Variants in KIF1A observed in about 807,000 individuals in gnomAD.
KIF1A encodes kinesin-like protein KIF1A.
A neutral mutation model predicts 227.3 loss-of-function variants in KIF1A; 46 were observed. That is an observed-to-expected ratio of 0.20 (90% CI 0.16 to 0.26). The LOEUF is 0.26. Among genes scored for constraint, KIF1A ranks in the 10% least tolerant of loss-of-function variants. The pLI is 1.00. For missense variants in KIF1A, 1,683 were observed against 2,485.9 expected, an observed-to-expected ratio of 0.68 and a Z score of 6.87; for synonymous variants, 1,022 against 1,012.8, an observed-to-expected ratio of 1.01 and a Z score of -0.17.
In KIF1A at chr2:240,766,008, A is replaced by C. The variant is rs981107272; in HGVS notation, c.1685-215T>G. On this transcript the variant is annotated intron_variant, in intron 19 of 48. Transcript: ENST00000498729. The surrounding 1 kb of genome is among the most constrained non-coding windows in gnomAD (Gnocchi z 5.0). ...ACAGAGGAAGAAAGTGACCCCCAGAAGGAGGATGCATGTGCCCACGTTGAA... is the reference window on the plus strand; with the variant it reads ...ACAGAGGAAGAAAGTGACCCCCAGACGGAGGATGCATGTGCCCACGTTGAA... Among the ~76,000 whole-genome samples, 1 of 152,246 alleles carries C rather than the reference A, an allele frequency of 6.6e-6. No homozygotes were observed. The highest frequency in any genetic ancestry group is 1.5e-5 in the Non-Finnish European group (1 of 68,040).
rs1261997850 is a variant in KIF1A at position 240,758,309 on chromosome 2, ATC to A, written c.2582+49_2582+50del. The A allele has an allele frequency of 1.6e-5, 25 of 1,567,972 alleles. No individual in the cohort carries two copies. Among genetic ancestry groups the A allele is most frequent in the South Asian group, 2.4e-5 (2 of 83,742 alleles). On this transcript the variant is annotated intron_variant, in intron 26 of 48. Coordinates refer to ENST00000498729, the MANE Select transcript of KIF1A (RefSeq NM_001244008.2). This position sits in a 1 kb window ranked among gnomAD's most constrained non-coding sequence, Gnocchi z 5.2. The stretch of plus-strand genomic sequence containing the variant: ...AGGGCCCACTCCTACCCCCACTGCC[ATC>A]TCTCTCTCTCAATCTCTCTCTCTGC...
chr2:240,767,186 G>T, intron 18 of KIF1A, 80 bp downstream of exon 18: 1 of 1,277,384 alleles, frequency 7.8e-7, no homozygotes, highest in Non-Finnish European at 1.1e-6. Context: ...CTCTGCAGAA[G>T]CAGGAATGGG....
At chr2:240,745,244 C>T (rs2048448512) in intron 32 of KIF1A, among the ~76,000 whole-genome samples, 183 bp downstream of exon 32, 2 of 152,120 alleles carry the variant, frequency 1.3e-5, no homozygotes, top group South Asian at 4.1e-4. Context: ...AGCTGTAAAT[C>T]CATCAAGGGT....
intron 38 of KIF1A, among the ~76,000 whole-genome samples, chr2:240,732,742 G>A (rs1261003248): frequency 8.8e-6 from 1 of 113,138 alleles, no homozygotes; most frequent in Admixed American, 8.6e-5. Context: ...AATGAGGGAG[G>A]GATGAAGGGA....
chr2:240,801,489 A>G (rs1365163882), intron 1 of KIF1A, among the ~76,000 whole-genome samples: 1 of 152,248 alleles, frequency 6.6e-6, no homozygotes, highest in Non-Finnish European at 1.5e-5. Flanking sequence ...CCAGAAAAGT[A>G]TAGGACACAG....
chr2:240,725,079 A>G lies in KIF1A; in HGVS notation c.4256+192T>C, dbSNP rs1361576772. Among the ~76,000 whole-genome samples the G allele has an allele frequency of 1.0e-5, 1 of 97,984 alleles. No homozygotes were observed. The highest frequency in any genetic ancestry group is 3.1e-5 in the African/African-American group (1 of 32,442). 64.3% of individuals were successfully genotyped at this position (97,984 alleles called of 152,430 possible). A position where few individuals can be genotyped will look rare whatever the true frequency, so the allele number is the denominator to read the frequency against. On this transcript the variant is annotated intron_variant, in intron 40 of 48. Transcript: ENST00000498729. The surrounding 1 kb of genome is among the most constrained non-coding windows in gnomAD (Gnocchi z 5.8). ...GGTGTCAGTGTCCCCTGCAGGAACC[A>G]TGGCCTCCACAGAGTCTTCATCTAG...
chr2:240,745,717 A>G, intron 31 of KIF1A, 21 bp downstream of exon 31: 1 of 1,608,506 alleles, frequency 6.2e-7, no homozygotes, highest in South Asian at 1.1e-5. Flanking sequence ...GCGCAGGGAC[A>G]CAAAGGCAGC....
At chr2:240,787,474 A>G (rs1452958025) in intron 4 of KIF1A, among the ~76,000 whole-genome samples, 158 bp from the exon 5 acceptor site, 1 of 152,152 alleles carries the variant, frequency 6.6e-6, no homozygotes, top group Non-Finnish European at 1.5e-5. Context: ...GCACTGAGAA[A>G]GTCTGTAGCC....
Position 240,781,463 on chromosome 2 carries a change from CCACACA to C in KIF1A, c.882+1121_882+1126del, listed in dbSNP as rs34158686. Reference sequence around the variant, plus strand: ...CACACACACACACACACACACAGCTCCACACACACACACACACACACACAGCTCCAC... The same window carrying C: ...CACACACACACACACACACACAGCTCCACACACACACACACACAGCTCCAC... On this transcript the variant is annotated intron_variant, in intron 10 of 48. Transcript: ENST00000498729. Among the ~76,000 whole-genome samples, 4 of 28,562 alleles carry C rather than the reference CCACACA, an allele frequency of 1.4e-4. 1 individual carries two copies. Among genetic ancestry groups the C allele is most frequent in the African/African-American group, 4.5e-4 (2 of 4,460 alleles). The allele number at this position is 28,562 out of a possible 152,430, so 18.7% of individuals were successfully genotyped here.
intron 38 of KIF1A, among the ~76,000 whole-genome samples, chr2:240,735,542 G>T (rs898426540): frequency 1.2e-4 from 18 of 152,168 alleles, no homozygotes; most frequent in African/African-American, 4.3e-4. Flanking sequence ...GGGGGTCAGA[G>T]GTCAGGAAAA....
intron 1 of KIF1A, among the ~76,000 whole-genome samples, chr2:240,802,157 T>C (rs1486157881): frequency 6.7e-6 from 1 of 148,652 alleles, no homozygotes; most frequent in African/African-American, 2.5e-5. Context: ...GACAACTGAC[T>C]CCTCAACAGA....
At position 240,750,424 on chromosome 2, in the gene KIF1A, C is replaced by A. The variant is rs200583714; in HGVS notation, c.2977+5G>T. 1 of 1,608,506 alleles carries A rather than the reference C, an allele frequency of 6.2e-7. No individual in the cohort carries two copies. Among genetic ancestry groups the A allele is most frequent in the South Asian group, 1.1e-5 (1 of 90,906 alleles). ...TGCCACACACGGCCTTTGGCCCACA[C>A]GCACCTGAGATGGCCTGGACGGCCA... is the stretch of plus-strand genomic sequence containing the variant. On this transcript the variant is annotated splice_donor_5th_base_variant and intron_variant, in intron 28 of 48. Coordinates refer to ENST00000498729, the MANE Select transcript of KIF1A (RefSeq NM_001244008.2).
chr2:240,721,075 A>AG (rs1213625838), intron 44 of KIF1A, 37 bp from the exon 45 acceptor site: 13 of 1,608,590 alleles, frequency 8.1e-6, no homozygotes, highest in Middle Eastern at 1.8e-4. Flanking sequence ...GACACAGGGA[A>AG]GGGGGGTCTC....
In KIF1A at chr2:240,789,344, T is replaced by C. The variant is rs1285879978; in HGVS notation, c.107-32A>G. The C allele has an allele frequency of 6.4e-7, 1 of 1,569,720 alleles. No individual in the cohort carries two copies. The highest frequency in any genetic ancestry group is 8.8e-7 in the Non-Finnish European group (1 of 1,139,888). The stretch of plus-strand genomic sequence containing the variant: ...GAGGGAACACAGGTGGTTAGCGCTG[T>C]GCTGGGAGGGCCCCTGACTAGCTGG... On this transcript the variant is annotated intron_variant, in intron 2 of 48. Transcript: ENST00000498729. The surrounding 1 kb of genome is among the most constrained non-coding windows in gnomAD (Gnocchi z 4.8).
chr2:240,791,962 G>T (rs2055768575), intron 2 of KIF1A, among the ~76,000 whole-genome samples: 1 of 141,934 alleles, frequency 7.0e-6, no homozygotes. Context: ...ACCCTACCCT[G>T]CCGGCAACCC....
chr2:240,798,839 T>C (rs1260416222), intron 1 of KIF1A, among the ~76,000 whole-genome samples: 2 of 152,178 alleles, frequency 1.3e-5, no homozygotes, highest in African/African-American at 2.4e-5. Context: ...ACAGAATTCA[T>C]GCAGCCTGAC....
At position 240,757,206 on chromosome 2, in the gene KIF1A, G is replaced by A. The variant is rs1190224195; in HGVS notation, c.2858+113C>T. On this transcript the variant is annotated intron_variant, in intron 27 of 48. Coordinates refer to ENST00000498729, the MANE Select transcript of KIF1A (RefSeq NM_001244008.2). This position sits in a 1 kb window ranked among gnomAD's most constrained non-coding sequence, Gnocchi z 6.2. ...GGAGGCCAGCCCCTCCACCTGCCTC[G>A]CCTGCCCTGGGAGGGCCCGGGCCAG... The A allele has an allele frequency of 2.1e-5, 23 of 1,110,074 alleles. No homozygotes were observed. The highest frequency in any genetic ancestry group is 1.4e-4 in the South Asian group (9 of 64,096). 68.8% of individuals were successfully genotyped at this position (1,110,074 alleles called of 1,614,324 possible). A position where few individuals can be genotyped will look rare whatever the true frequency, so the allele number is the denominator to read the frequency against.
chr2:240,797,872 C>A (rs959208419), intron 1 of KIF1A, 60 bp from the exon 2 acceptor site: 54 of 641,958 alleles, frequency 8.4e-5, no homozygotes, highest in Non-Finnish European at 8.2e-6. Context: ...ACAGGCACTC[C>A]GGCTGCAGCT....
chr2:240,756,957 G>A (rs2049911823), intron 27 of KIF1A, among the ~76,000 whole-genome samples: 1 of 152,234 alleles, frequency 6.6e-6, no homozygotes, highest in Non-Finnish European at 1.5e-5. Flanking sequence ...TTTCAGGGAG[G>A]AACTCGGCCA....
Sources: allele counts gnomAD v4.1 joint callset (sites outside exome capture counted in the v4.1 genomes callset), GRCh38; gene constraint gnomAD v4.1.1; non-coding constraint Gnocchi (gnomAD v3.1); transcripts MANE v1.5; gene names NCBI Gene and HGNC (gene_info 2026-07-23, HGNC 2026-07-21).